The following LAMA2 variants were observed in gnomAD, a reference collection of about 807,000 sequenced individuals.
LAMA2 encodes the protein laminin subunit alpha-2.
In LAMA2, 269 loss-of-function variants were observed where a neutral mutation model predicts 364.8. That is an observed-to-expected ratio of 0.74 (90% CI 0.67 to 0.82). The LOEUF is 0.82. Among genes scored for constraint, LAMA2 ranks in the 40% least tolerant of loss-of-function variants. The pLI, the probability that LAMA2 is intolerant of heterozygous loss-of-function variation, is 0.00. For synonymous variants in LAMA2, 1,379 were observed against 1,370.6 expected (o/e 1.01, Z -0.14); for missense variants, 3,807 against 3,873.2 (o/e 0.98, Z 0.45).
intron 1 of LAMA2, among the ~76,000 whole-genome samples, chr6:128,937,976 A>G (rs1779932535): frequency 6.6e-6 from 1 of 151,010 alleles, no homozygotes; most frequent in African/African-American, 2.4e-5. Context: ...GGTGTGTTGT[A>G]TTGTTATTTT....
intron 9 of LAMA2, 135 bp downstream of exon 9, chr6:129,165,810 G>A: frequency 4.4e-6 from 3 of 686,656 alleles, no homozygotes; most frequent in South Asian, 1.6e-5. Flanking sequence ...CAGTGTATTA[G>A]CGTTCCCTCC....
rs1583362157 is a variant in LAMA2, at chr6:129,260,725, A to G, written c.2111A>G (p.Asn704Ser). The change falls in exon 15 of 65, where the codon AAC becomes AGC. Residue 704 changes from asparagine (N) to serine (S), a missense_variant. Transcript: ENST00000421865. ...CTCTGCCATAGGTTGAGCTCTGTTA[A>G]CCTTGAATCCGCTGTCTCCTATCCT... ...MDAIFRLSSV[N>S]LESAVSYPTD... 4.3e-6 allele frequency: 7 copies of G among 1,610,738 alleles called. No individual in the cohort carries two copies. Among genetic ancestry groups the G allele is most frequent in the Non-Finnish European group, 5.1e-6 (6 of 1,177,152 alleles).
chr6:129,394,224 A>G (rs1779483042), intron 37 of LAMA2, among the ~76,000 whole-genome samples: 1 of 152,212 alleles, frequency 6.6e-6, no homozygotes, highest in Non-Finnish European at 1.5e-5. Flanking sequence ...TCTGACTCCA[A>G]CAGGTCAGAA....
At chr6:129,394,593 C>G (rs1461996627) in intron 37 of LAMA2, among the ~76,000 whole-genome samples, 1 of 152,196 alleles carries the variant, frequency 6.6e-6, no homozygotes, top group Non-Finnish European at 1.5e-5. Flanking sequence ...AGGCAGGATG[C>G]TGGGCCACTG....
At position 129,219,180 on chromosome 6, in the gene LAMA2, A is replaced by G. The variant is rs536277086; in HGVS notation, c.1782+26327A>G. 6.6e-5 allele frequency among the ~76,000 whole-genome samples: 10 copies of G among 152,326 alleles called. No homozygotes were observed. In the South Asian group the frequency reaches 2.1e-3, roughly 32 times the overall value. ...ATTTTCTTTAAAAAATAAGACAGAC[A>G]CTTCTCAAAAGAAGACATTTATGCA... On this transcript the variant is annotated intron_variant, in intron 12 of 64. Transcript: ENST00000421865.
Position 129,392,455 on chromosome 6 carries a change from A to C in LAMA2, c.5235-590A>C, listed in dbSNP as rs574639588. Among the ~76,000 whole-genome samples, 491 of 152,324 alleles carry C rather than the reference A, an allele frequency of 3.2e-3. 1 individual carries two copies. The highest frequency in any genetic ancestry group is 0.011 in the African/African-American group (462 of 41,572). On this transcript the variant is annotated intron_variant, in intron 36 of 64. Transcript: ENST00000421865. ...CAAGCCCTTCAGGGGATTATGAGGC[A>C]TGTTAGTTTGAGAATTACTGTCTTT...
intron 1 of LAMA2, among the ~76,000 whole-genome samples, chr6:128,954,805 A>C (rs945982302): frequency 3.3e-5 from 5 of 151,958 alleles, no homozygotes; most frequent in Admixed American, 2.0e-4. Context: ...AGTATTCTAC[A>C]ATGAAACACT....
At chr6:129,488,057 C>G (rs1229595100) in intron 56 of LAMA2, among the ~76,000 whole-genome samples, 1 of 152,142 alleles carries the variant, frequency 6.6e-6, no homozygotes, top group South Asian at 2.1e-4. Context: ...CACCTGTAAT[C>G]CCAGCACTTT....
At chr6:129,235,147 A>G (rs1198696393) in intron 12 of LAMA2, among the ~76,000 whole-genome samples, 1 of 152,160 alleles carries the variant, frequency 6.6e-6, no homozygotes, top group African/African-American at 2.4e-5. Flanking sequence ...CAAGCAGGAA[A>G]CTTCCAGGGG....
intron 9 of LAMA2, among the ~76,000 whole-genome samples, chr6:129,165,937 TAAAG>T (rs566549348): frequency 1.8e-4 from 27 of 150,412 alleles, no homozygotes; most frequent in Middle Eastern, 3.4e-3. Flanking sequence ...TACACAGAGA[TAAAG>T]AAAGAGAGAG....
intron 51 of LAMA2, among the ~76,000 whole-genome samples, chr6:129,466,560 G>A (rs1161109544): frequency 6.6e-6 from 1 of 152,080 alleles, no homozygotes; most frequent in East Asian, 1.9e-4. Context: ...CATTGTTCCT[G>A]TGTAAGAGAG....
intron 1 of LAMA2, among the ~76,000 whole-genome samples, chr6:128,914,359 A>G (rs921933724): frequency 6.6e-6 from 1 of 152,192 alleles, no homozygotes; most frequent in Non-Finnish European, 1.5e-5. Flanking sequence ...AAATGTCTGC[A>G]TGTTTATTAG....
chr6:129,162,690 A>C (rs1392326226), intron 8 of LAMA2, among the ~76,000 whole-genome samples: 1 of 152,110 alleles, frequency 6.6e-6, no homozygotes, highest in African/African-American at 2.4e-5. Context: ...ATATATATAT[A>C]TCTTTAATTC....
chr6:129,235,215 G>A (rs112304688), intron 12 of LAMA2, among the ~76,000 whole-genome samples: 1 of 152,128 alleles, frequency 6.6e-6, no homozygotes, highest in Non-Finnish European at 1.5e-5. Flanking sequence ...ATTTCAGTAC[G>A]TAGAGTTTGT....
chr6:129,457,986 C>T (rs1459625909), intron 48 of LAMA2, among the ~76,000 whole-genome samples: 3 of 152,074 alleles, frequency 2.0e-5, no homozygotes, highest in Non-Finnish European at 4.4e-5. Flanking sequence ...CTGCTAATAC[C>T]ATCACTTTGG....
intron 22 of LAMA2, among the ~76,000 whole-genome samples, chr6:129,310,547 G>A (rs906183832): frequency 9.2e-5 from 14 of 152,180 alleles, no homozygotes; most frequent in Admixed American, 2.0e-4. Context: ...AACTCAGACA[G>A]AGAGAGGTGA....
intron 1 of LAMA2, among the ~76,000 whole-genome samples, chr6:129,029,409 C>T (rs1011973256): frequency 2.6e-5 from 4 of 151,970 alleles, no homozygotes; most frequent in African/African-American, 7.2e-5. Flanking sequence ...AAAAAGCAAA[C>T]GGATTAGGAA....
chr6:129,461,550 A>G (rs1005949200), intron 49 of LAMA2, among the ~76,000 whole-genome samples: 1 of 152,030 alleles, frequency 6.6e-6, no homozygotes, highest in Non-Finnish European at 1.5e-5. Flanking sequence ...TCTGCTACTC[A>G]CAAACCAACA....
intron 3 of LAMA2, among the ~76,000 whole-genome samples, chr6:129,088,578 C>G (rs956501024): frequency 6.6e-6 from 1 of 151,222 alleles, no homozygotes; most frequent in South Asian, 2.1e-4. Flanking sequence ...GGGCTGCCCC[C>G]ACCTCCCTCC....
Sources: allele counts gnomAD v4.1 joint callset (sites outside exome capture counted in the v4.1 genomes callset), GRCh38; gene constraint gnomAD v4.1.1; transcripts MANE v1.5; gene names NCBI Gene and HGNC (gene_info 2026-07-23, HGNC 2026-07-21).